CFAP221: variants seen among roughly 807,000 people sequenced by gnomAD.
The protein encoded by CFAP221 is cilia and flagella associated protein 221, also known as cilia- and flagella-associated protein 221.
CFAP221 carries 97 observed loss-of-function variants against 113.1 expected under a neutral mutation model. The ratio of observed to expected loss-of-function variants is 0.86; its 90% CI spans 0.73 to 1.02. The LOEUF is 1.02. Among genes scored for constraint, CFAP221 ranks in the 50% least tolerant of loss-of-function variants. The pLI is 0.00. For missense variants in CFAP221, 1,025 were observed against 1,013.4 expected (o/e 1.01, Z -0.16); for synonymous variants, 331 against 354.4 (o/e 0.93, Z 0.74).
At chr2:119,593,182 T>C (rs1683711626) in intron 7 of CFAP221, among the ~76,000 whole-genome samples, 1 of 152,206 alleles carries the variant, frequency 6.6e-6, no homozygotes, top group Non-Finnish European at 1.5e-5. Flanking sequence ...CATTCCTACC[T>C]GCCACATCCT....
At chr2:119,566,283 G>C (rs1255762560) in intron 6 of CFAP221, among the ~76,000 whole-genome samples, 1 of 152,222 alleles carries the variant, frequency 6.6e-6, no homozygotes, top group East Asian at 1.9e-4. Flanking sequence ...TACTAAAAGT[G>C]AGTCGGCTTT....
At chr2:119,601,869 A>C (rs1357753994) in intron 8 of CFAP221, among the ~76,000 whole-genome samples, 1 of 152,236 alleles carries the variant, frequency 6.6e-6, no homozygotes, top group African/African-American at 2.4e-5. Flanking sequence ...CAGTGACAGA[A>C]ATGTCTGAAA....
chr2:119,557,967 A>G (rs1425290253), intron 3 of CFAP221, among the ~76,000 whole-genome samples: 1 of 152,042 alleles, frequency 6.6e-6, no homozygotes, highest in Non-Finnish European at 1.5e-5. Flanking sequence ...TCAAAAAAAA[A>G]AAAAAAAAAA....
At position 119,576,552 on chromosome 2, in the gene CFAP221, T is replaced by C. The variant is rs182921417; in HGVS notation, c.528-10567T>C. Among the ~76,000 whole-genome samples the C allele has an allele frequency of 7.8e-4, 119 of 152,344 alleles. 1 individual carries two copies. The highest frequency in any genetic ancestry group is 2.9e-3 in the Admixed American group (44 of 15,306). ...AAAATGAGGGTGGTGTTTAATTCTC[T>C]AGGTGTAAAAAATAAGTAAATGCTT... is the stretch of plus-strand genomic sequence containing the variant. On this transcript the variant is annotated intron_variant, in intron 6 of 23. Coordinates refer to ENST00000413369, the MANE Select transcript of CFAP221 (RefSeq NM_001271049.2).
At chr2:119,572,879 G>A (rs1682167563) in intron 6 of CFAP221, 4 of 341,476 alleles carry the variant, frequency 1.2e-5, no homozygotes, top group Non-Finnish European at 2.1e-5. Flanking sequence ...TCACAGAAGA[G>A]GCTCCTGGTG....
chr2:119,565,991 T>C (rs533548546), intron 6 of CFAP221, among the ~76,000 whole-genome samples: 1 of 152,338 alleles, frequency 6.6e-6, no homozygotes, highest in South Asian at 2.1e-4. Flanking sequence ...CAGTGTTAGG[T>C]TCTGAGGATG....
At position 119,611,746 on chromosome 2, in the gene CFAP221, G is replaced by C. The variant is rs1482994791; in HGVS notation, c.1311+4G>C. ...GGTTGTTCGCAATCAAGAAGAGGTG[G>C]GTAACTTTCCTTTATTTAGAATCTG... On this transcript the variant is annotated splice_donor_region_variant and intron_variant, in intron 13 of 23. Transcript: ENST00000413369. 1 of 1,605,678 alleles carries C rather than the reference G, an allele frequency of 6.2e-7. No homozygotes were observed. The highest frequency in any genetic ancestry group is 8.5e-7 in the Non-Finnish European group (1 of 1,174,886).
At chr2:119,654,067 T>TG (rs1402854198) in intron 23 of CFAP221, among the ~76,000 whole-genome samples, 5 of 152,260 alleles carry the variant, frequency 3.3e-5, no homozygotes, top group African/African-American at 7.2e-5. Context: ...TACTTTGTTG[T>TG]GGGGGGCCTG....
chr2:119,548,041 G>A (rs977526878), intron 2 of CFAP221, among the ~76,000 whole-genome samples: 1 of 152,112 alleles, frequency 6.6e-6, no homozygotes, highest in African/African-American at 2.4e-5. Flanking sequence ...ACAGCTCACT[G>A]CAGTCTCAAT....
chr2:119,596,290 T>C (rs1378424532), intron 7 of CFAP221, among the ~76,000 whole-genome samples: 1 of 152,140 alleles, frequency 6.6e-6, no homozygotes, highest in Non-Finnish European at 1.5e-5. Context: ...AGTGGGTGGC[T>C]AGGGGGTGCG....
At chr2:119,654,109 G>GAGCT (rs1230528671) in intron 23 of CFAP221, among the ~76,000 whole-genome samples, 3 of 152,090 alleles carry the variant, frequency 2.0e-5, no homozygotes, top group African/African-American at 7.2e-5. Flanking sequence ...ACATTTCTTA[G>GAGCT]AGCTGTATGA....
At position 119,593,094 on chromosome 2, in the gene CFAP221, T is replaced by G. The variant is rs972112632; in HGVS notation, c.631+5872T>G. Among the ~76,000 whole-genome samples, 3 of 152,216 alleles carry G rather than the reference T, an allele frequency of 2.0e-5. No individual in the cohort carries two copies. The South Asian group carries it at 6.2e-4, about 31-fold the overall frequency. On this transcript the variant is annotated intron_variant, in intron 7 of 23. Transcript: ENST00000413369. ...TGTTCTCTTCCTCAGGAATACCAAT[T>G]ATGTGTGTATGTTGGTTCTCCTTTG...
At chr2:119,582,760 A>G (rs1682938685) in intron 6 of CFAP221, among the ~76,000 whole-genome samples, 1 of 152,160 alleles carries the variant, frequency 6.6e-6, no homozygotes, top group Admixed American at 6.5e-5. Context: ...CCAGCTGTCA[A>G]TAAGACATAT....
intron 8 of CFAP221, among the ~76,000 whole-genome samples, chr2:119,604,395 C>G (rs1262736721): frequency 2.0e-5 from 3 of 151,856 alleles, no homozygotes; most frequent in Non-Finnish European, 2.9e-5. Context: ...GATCATGCCA[C>G]TGCATTCCAG....
chr2:119,631,493 T>C (rs1422164446), intron 19 of CFAP221, among the ~76,000 whole-genome samples: 1 of 152,098 alleles, frequency 6.6e-6, no homozygotes, highest in African/African-American at 2.4e-5. Flanking sequence ...GCCAACATGG[T>C]GAAACCCTGT....
At chr2:119,571,057 G>A (rs1682004741) in intron 6 of CFAP221, among the ~76,000 whole-genome samples, 1 of 150,690 alleles carries the variant, frequency 6.6e-6, no homozygotes, top group Admixed American at 6.6e-5. Context: ...CCAACATGGT[G>A]AAATCCCATC....
intron 6 of CFAP221, among the ~76,000 whole-genome samples, chr2:119,566,845 T>G (rs531591588): frequency 6.6e-6 from 1 of 152,176 alleles, no homozygotes; most frequent in Admixed American, 6.5e-5. Context: ...GTTTTTTTTT[T>G]CCTTCTAAGT....
intron 2 of CFAP221, among the ~76,000 whole-genome samples, chr2:119,546,747 C>A (rs1400599321): frequency 1.3e-5 from 2 of 152,222 alleles, no homozygotes; most frequent in Non-Finnish European, 2.9e-5. Context: ...ATGCCCCACT[C>A]ATTTCCAGCT....
chr2:119,587,212 G>A lies in CFAP221; in HGVS notation c.621G>A (p.Glu207=). The A allele has an allele frequency of 6.6e-7, 1 of 1,521,186 alleles. No homozygotes were observed. The highest frequency in any genetic ancestry group is 1.2e-5 in the South Asian group (1 of 81,288). The allele number at this position is 1,521,186 out of a possible 1,614,324, so 94.2% of individuals were successfully genotyped here. Reference sequence around the variant, plus strand: ...AGTCTCATCAAGCCTTTGCTATTGAGCCAACATCAGGTAAGGAGTGTCAAG... The same window carrying A: ...AGTCTCATCAAGCCTTTGCTATTGAACCAACATCAGGTAAGGAGTGTCAAG... ...LIQSHQAFAI[E]PTSGIIPANG... The change falls in exon 7 of 24, where the codon GAG becomes GAA. Residue 207 remains glutamate, a synonymous_variant. Transcript: ENST00000413369.
Sources: gnomAD v4.1 joint callset for allele counts (sites outside exome capture counted in the v4.1 genomes callset) on GRCh38, gnomAD v4.1.1 for gene constraint, MANE v1.5 for transcripts, NCBI Gene and HGNC (gene_info 2026-07-23, HGNC 2026-07-21) for gene names.